The following UNC5B variants were observed in gnomAD, a reference collection of about 807,000 sequenced individuals.
The protein encoded by UNC5B is netrin receptor UNC5B.
A neutral mutation model predicts 103.7 loss-of-function variants in UNC5B; 56 were observed. The observed-to-expected ratio is 0.54, with a 90% CI of 0.44 to 0.67. UNC5B has a LOEUF of 0.67. UNC5B is among the 30% of genes least tolerant of loss of function. The probability of loss-of-function intolerance (pLI) is 0.00; values close to 1 mark genes in which losing one functional copy is unlikely to be tolerated. For missense variants in UNC5B, 1,194 were observed against 1,284.5 expected (o/e 0.93, Z 1.08); for synonymous variants, 577 against 542.0 (o/e 1.06, Z -0.90).
At chr10:71,225,364 A>G (rs1465547663) in intron 1 of UNC5B, among the ~76,000 whole-genome samples, 1 of 152,170 alleles carries the variant, frequency 6.6e-6, no homozygotes, top group Admixed American at 6.5e-5. Flanking sequence ...CAGGGATGAG[A>G]GGGCCCACGT....
chr10:71,280,133 T>C lies in UNC5B; in HGVS notation c.304+88T>C, dbSNP rs903892166. 79 of 1,407,388 alleles carry C rather than the reference T, an allele frequency of 5.6e-5. 1 individual carries two copies. The highest frequency in any genetic ancestry group is 2.3e-4 in the Middle Eastern group (1 of 4,342). 87.2% of individuals were successfully genotyped at this position (1,407,388 alleles called of 1,614,324 possible). A position where few individuals can be genotyped will look rare whatever the true frequency, so the allele number is the denominator to read the frequency against. On this transcript the variant is annotated intron_variant, in intron 2 of 16. Coordinates refer to ENST00000335350, the MANE Select transcript of UNC5B (RefSeq NM_170744.5). Reference sequence around the variant, plus strand: ...CTCCATGTGAGACTTCACACAGCCATGGTGCCCCCTTGGATTAGCATTTCC... The same window carrying C: ...CTCCATGTGAGACTTCACACAGCCACGGTGCCCCCTTGGATTAGCATTTCC...
At chr10:71,221,748 G>A (rs758675118) in intron 1 of UNC5B, among the ~76,000 whole-genome samples, 37 of 152,242 alleles carry the variant, frequency 2.4e-4, no homozygotes, top group Non-Finnish European at 4.4e-4. Context: ...GGGGTCTTGC[G>A]CGATGTTTAG....
chr10:71,273,908 A>T (rs1167720691), intron 1 of UNC5B, among the ~76,000 whole-genome samples: 2 of 152,238 alleles, frequency 1.3e-5, no homozygotes, highest in Admixed American at 6.5e-5. Flanking sequence ...GGTGGGTGAC[A>T]TGAGGAACTT....
At position 71,258,410 on chromosome 10, in the gene UNC5B, G is replaced by T. The variant is rs372403149; in HGVS notation, c.80-21411G>T. Among the ~76,000 whole-genome samples, 4 of 152,200 alleles carry T rather than the reference G, an allele frequency of 2.6e-5. No individual in the cohort carries two copies. The East Asian group carries it at 5.8e-4, about 22-fold the overall frequency. ...ACAAATTGGGAGACTCTGGGCTGAA[G>T]ACCTGGTGGTCTCAGCCATTTTTGT... On this transcript the variant is annotated intron_variant, in intron 1 of 16. Coordinates refer to ENST00000335350, the MANE Select transcript of UNC5B (RefSeq NM_170744.5).
intron 1 of UNC5B, chr10:71,217,350 A>C (rs2132233994): frequency 6.6e-6 from 1 of 152,432 alleles, no homozygotes; most frequent in Non-Finnish European, 1.5e-5. Flanking sequence ...GGTTGGCTCA[A>C]GAGGTTGGGA....
chr10:71,299,493 G>T lies in UNC5B; in HGVS notation c.*216G>T. 1 of 548,664 alleles carries T rather than the reference G, an allele frequency of 1.8e-6. No individual in the cohort carries two copies. The highest frequency in any genetic ancestry group is 3.2e-6 in the Non-Finnish European group (1 of 312,168). The allele number at this position is 548,664 out of a possible 1,614,324, so 34.0% of individuals were successfully genotyped here. A position where few individuals can be genotyped will look rare whatever the true frequency, so the allele number is the denominator to read the frequency against. On this transcript the variant is annotated 3_prime_UTR_variant, in exon 17 of 17. Transcript: ENST00000335350. ...GGCCCAGAGTTCCTTCTCCACCCCC[G>T]CTCTCTCTCTCTTGGCCTGAGATCT...
intron 13 of UNC5B, among the ~76,000 whole-genome samples, chr10:71,294,389 C>G (rs58539535): frequency 0.12 from 18,111 of 152,260 alleles, 1,238 homozygotes; most frequent in East Asian, 0.32. Flanking sequence ...CTCAGCTTCC[C>G]AGAAGCCTCA....
At chr10:71,259,370 A>G (rs1438178681) in intron 1 of UNC5B, among the ~76,000 whole-genome samples, 1 of 149,918 alleles carries the variant, frequency 6.7e-6, no homozygotes, top group Non-Finnish European at 1.5e-5. Context: ...TGGGTGATAT[A>G]GCGAGACTCC....
rs1349002336 is a variant in UNC5B at position 71,269,970 on chromosome 10, CAA to C, written c.80-9850_80-9849del. Among the ~76,000 whole-genome samples, 4 of 152,208 alleles carry C rather than the reference CAA, an allele frequency of 2.6e-5. No homozygotes were observed. In the East Asian group the frequency reaches 7.8e-4, roughly 30 times the overall value. On this transcript the variant is annotated intron_variant, in intron 1 of 16. Transcript: ENST00000335350. The stretch of plus-strand genomic sequence containing the variant: ...AGGGGTTGGGGGAGGCGCTCCAAAA[CAA>C]GAGACCAGCAGAGGCGCTGAGGCTA...
intron 1 of UNC5B, among the ~76,000 whole-genome samples, chr10:71,262,851 C>T (rs1195400163): frequency 6.6e-6 from 1 of 152,230 alleles, no homozygotes; most frequent in East Asian, 1.9e-4. Flanking sequence ...AAATGTGTGG[C>T]TGTCACTGAG....
intron 1 of UNC5B, among the ~76,000 whole-genome samples, chr10:71,258,955 C>G (rs1844352932): frequency 6.6e-6 from 1 of 152,268 alleles, no homozygotes; most frequent in Non-Finnish European, 1.5e-5. Flanking sequence ...CAGGGAAGAG[C>G]TGAGCCTCAG....
At chr10:71,237,554 G>T (rs1408344222) in intron 1 of UNC5B, among the ~76,000 whole-genome samples, 1 of 152,050 alleles carries the variant, frequency 6.6e-6, no homozygotes, top group Non-Finnish European at 1.5e-5. Flanking sequence ...GCAGTGAGAC[G>T]TCAATAAGTA....
At chr10:71,226,913 C>T (rs1241680985) in intron 1 of UNC5B, among the ~76,000 whole-genome samples, 1 of 151,606 alleles carries the variant, frequency 6.6e-6, no homozygotes, top group Non-Finnish European at 1.5e-5. Flanking sequence ...CCATGGAATA[C>T]TACTCAGTCA....
intron 1 of UNC5B, among the ~76,000 whole-genome samples, chr10:71,242,000 T>G (rs1843912668): frequency 6.6e-6 from 1 of 152,100 alleles, no homozygotes; most frequent in East Asian, 1.9e-4. Flanking sequence ...GCCAGTGAGA[T>G]GCCCACACAC....
At chr10:71,219,049 A>G (rs941320199) in intron 1 of UNC5B, among the ~76,000 whole-genome samples, 1 of 152,192 alleles carries the variant, frequency 6.6e-6, no homozygotes, top group African/African-American at 2.4e-5. Flanking sequence ...CTTCAACTCT[A>G]GGATAAGATG....
In UNC5B at chr10:71,296,019, A is replaced by G. The variant is rs146276570; in HGVS notation, c.2325+59A>G. 2.7e-3 allele frequency: 4,350 copies of G among 1,607,408 alleles called. 97 individuals carry two copies. The African/African-American group carries it at 0.048, about 18-fold the overall frequency. On this transcript the variant is annotated intron_variant, in intron 14 of 16. Transcript: ENST00000335350. Reference sequence around the variant, plus strand: ...CACTTAAGGGCTGCCCGGGAAGCCCAGCTCCCTCCCGGGCCCTGCCTCCTA... The same window carrying G: ...CACTTAAGGGCTGCCCGGGAAGCCCGGCTCCCTCCCGGGCCCTGCCTCCTA...
At chr10:71,286,251 G>T (rs900170312) in intron 4 of UNC5B, among the ~76,000 whole-genome samples, 7 of 152,148 alleles carry the variant, frequency 4.6e-5, no homozygotes, top group African/African-American at 1.4e-4. Flanking sequence ...TGCCAGACCC[G>T]GGGACCTTCT....
At chr10:71,290,775 T>G in intron 8 of UNC5B, 140 bp from the exon 9 acceptor site, 1 of 1,038,112 alleles carries the variant, frequency 9.6e-7, no homozygotes, top group Non-Finnish European at 1.4e-6. Flanking sequence ...GTTGCCAGCC[T>G]GTGTAGGCAG....
intron 1 of UNC5B, among the ~76,000 whole-genome samples, chr10:71,268,646 G>A (rs1443762591): frequency 1.3e-5 from 2 of 152,210 alleles, no homozygotes; most frequent in Non-Finnish European, 2.9e-5. Context: ...TCCCCTTTGC[G>A]AGGAAGGGTT....
Sources: gnomAD v4.1 joint callset for allele counts (sites outside exome capture counted in the v4.1 genomes callset) on GRCh38, gnomAD v4.1.1 for gene constraint, MANE v1.5 for transcripts, NCBI Gene and HGNC (gene_info 2026-07-23, HGNC 2026-07-21) for gene names.